The following LRCH1 variants were observed in gnomAD, a reference collection of about 807,000 sequenced individuals.
The protein encoded by LRCH1 is leucine-rich repeat and calponin homology domain-containing protein 1.
LRCH1 carries 23 observed loss-of-function variants against 94.9 expected under a neutral mutation model. The observed-to-expected ratio is 0.24, with a 90% CI of 0.17 to 0.34. The LOEUF (loss-of-function observed/expected upper bound fraction) is 0.34. LRCH1 is among the 10% of genes least tolerant of loss of function. The pLI, the probability that LRCH1 is intolerant of heterozygous loss-of-function variation, is 1.00. For missense variants in LRCH1, 790 were observed against 945.9 expected, an observed-to-expected ratio of 0.84 and a Z score of 2.16; for synonymous variants, 364 against 354.9, an observed-to-expected ratio of 1.03 and a Z score of -0.29.
intron 13 of LRCH1, among the ~76,000 whole-genome samples, chr13:46,706,696 T>G (rs1400078037): frequency 7.9e-5 from 12 of 152,042 alleles, no homozygotes; most frequent in African/African-American, 2.9e-4. Flanking sequence ...GTGCTGAGAT[T>G]ACAGGTGGCT....
intron 18 of LRCH1, among the ~76,000 whole-genome samples, chr13:46,750,295 C>A (rs1384258864): frequency 4.6e-5 from 7 of 152,158 alleles, no homozygotes; most frequent in Non-Finnish European, 1.0e-4. Flanking sequence ...TTTAGATCTG[C>A]AGACTTCATG....
intron 16 of LRCH1, chr13:46,717,657 T>C (rs1872390783): frequency 6.6e-6 from 1 of 152,260 alleles, no homozygotes; most frequent in South Asian, 2.1e-4. Context: ...AAATAACCTT[T>C]ATAAATAAAC....
At chr13:46,672,441 C>G (rs1475250229) in intron 3 of LRCH1, among the ~76,000 whole-genome samples, 1 of 152,068 alleles carries the variant, frequency 6.6e-6, no homozygotes, top group African/African-American at 2.4e-5. Flanking sequence ...TCCCATGAAC[C>G]TTGGGTGTAA....
chr13:46,667,088 C>T (rs7986467), intron 2 of LRCH1, among the ~76,000 whole-genome samples: 96,846 of 152,028 alleles, frequency 0.64, 31,325 homozygotes, highest in Middle Eastern at 0.73. Context: ...TCTCCTCCCT[C>T]CTTCTGCTGG....
At chr13:46,615,138 A>G (rs1426943415) in intron 1 of LRCH1, among the ~76,000 whole-genome samples, 1 of 152,220 alleles carries the variant, frequency 6.6e-6, no homozygotes, top group African/African-American at 2.4e-5. Context: ...GTGTTGCAAT[A>G]AAGGAATACC....
At chr13:46,741,013 T>A (rs1165979101) in intron 19 of LRCH1, among the ~76,000 whole-genome samples, 1 of 152,172 alleles carries the variant, frequency 6.6e-6, no homozygotes, top group Non-Finnish European at 1.5e-5. Flanking sequence ...CCAAGAAGCC[T>A]CCCCTAGACT....
rs1269333939 is a variant in LRCH1, at chr13:46,705,048, CT to C, written c.1401-13del. ...AAAAGTTTAATACGTTTACTAATAT[CT>C]TTTTTTCCTACTCTTTAGATTAAGC... On this transcript the variant is annotated intron_variant, in intron 11 of 19. Coordinates refer to ENST00000389797, the MANE Select transcript of LRCH1 (RefSeq NM_001164211.2). The C allele has an allele frequency of 7.5e-6, 10 of 1,331,552 alleles. No homozygotes were observed. The Admixed American group carries it at 8.3e-5, about 11-fold the overall frequency. 82.5% of individuals were successfully genotyped at this position (1,331,552 alleles called of 1,614,324 possible).
At chr13:46,618,507 A>C (rs543707062) in intron 1 of LRCH1, among the ~76,000 whole-genome samples, 2 of 152,294 alleles carry the variant, frequency 1.3e-5, no homozygotes, top group East Asian at 1.9e-4. Flanking sequence ...GCTGTCTTGC[A>C]CTGAATTTTG....
intron 18 of LRCH1, among the ~76,000 whole-genome samples, chr13:46,732,385 G>A (rs938728471): frequency 6.6e-6 from 1 of 152,230 alleles, no homozygotes; most frequent in African/African-American, 2.4e-5. Context: ...TATTGGACCA[G>A]TGGTGAGGTT....
At chr13:46,620,362 C>CA (rs1226581498) in intron 1 of LRCH1, among the ~76,000 whole-genome samples, 1,462 of 122,050 alleles carry the variant, frequency 0.012, 14 homozygotes, top group African/African-American at 0.034. Flanking sequence ...GAACCTGTCT[C>CA]AAAAAAAAAA....
Position 46,743,216 on chromosome 13 carries a change from A to G in LRCH1, c.*1368A>G, listed in dbSNP as rs1170379349. 6.1e-6 allele frequency: 6 copies of G among 985,738 alleles called. No homozygotes were observed. Among genetic ancestry groups the G allele is most frequent in the Non-Finnish European group, 7.2e-6 (6 of 829,916 alleles). 61.1% of individuals were successfully genotyped at this position (985,738 alleles called of 1,614,324 possible). On this transcript the variant is annotated 3_prime_UTR_variant, in exon 20 of 20. Coordinates refer to ENST00000389797, the MANE Select transcript of LRCH1 (RefSeq NM_001164211.2). ...CTCTCATAGATGGCTACTACGAAGA[A>G]AATCTTATTTTTCTGAACATTTTCA...
intron 1 of LRCH1, among the ~76,000 whole-genome samples, chr13:46,614,494 C>G (rs75796749): frequency 5.5e-4 from 84 of 152,190 alleles, no homozygotes; most frequent in African/African-American, 1.9e-3. Context: ...CATAAAAGAT[C>G]AAAAAACCCA....
chr13:46,693,992 A>G (rs1286259529), intron 8 of LRCH1, among the ~76,000 whole-genome samples: 1 of 152,158 alleles, frequency 6.6e-6, no homozygotes. Flanking sequence ...TAAGTTTAGC[A>G]TTTCTGTTTA....
chr13:46,747,075 G>A (rs1873939700), downstream of LRCH1, among the ~76,000 whole-genome samples: 1 of 152,162 alleles, frequency 6.6e-6, no homozygotes, highest in African/African-American at 2.4e-5. Context: ...GCACCTCTGG[G>A]CTTCCTCAGG....
At chr13:46,565,265 A>G (rs2050169590) in intron 1 of LRCH1, among the ~76,000 whole-genome samples, 1 of 152,192 alleles carries the variant, frequency 6.6e-6, no homozygotes, top group African/African-American at 2.4e-5. Flanking sequence ...ATAAAATAAC[A>G]TCAGTATCCA....
In LRCH1 at chr13:46,694,918, G is replaced by A. The variant is rs149572783; in HGVS notation, c.1146G>A (p.Pro382=). Reference sequence around the variant, plus strand: ...GGGAATTTCATCAGGAATTTCAACCGGAGCCTTCCCTTTTGGGTGACAGCA... The same window carrying A: ...GGGAATTTCATCAGGAATTTCAACCAGAGCCTTCCCTTTTGGGTGACAGCA... ...VKGEFHQEFQ[P]EPSLLGDSTN... Residue 382 remains proline, a synonymous_variant, in exon 9 of 20, where the codon CCG becomes CCA. Transcript: ENST00000389797. 148 of 1,614,022 alleles carry A rather than the reference G, an allele frequency of 9.2e-5. 1 individual carries two copies. The highest frequency in any genetic ancestry group is 6.6e-4 in the Middle Eastern group (4 of 6,060).
At position 46,744,560 on chromosome 13, in the gene LRCH1, T is replaced by C; in HGVS notation, c.*2712T>C. On this transcript the variant is annotated 3_prime_UTR_variant, in exon 20 of 20. Transcript: ENST00000389797. ...GGCCCCGCAGAACTACAATGTATGA[T>C]AATCGAGTATAAATTTCATCAATGA... is the stretch of plus-strand genomic sequence containing the variant. 1 of 985,442 alleles carries C rather than the reference T, an allele frequency of 1.0e-6. No homozygotes were observed. The allele number at this position is 985,442 out of a possible 1,614,324, so 61.0% of individuals were successfully genotyped here.
At chr13:46,611,631 T>C (rs957769931) in intron 1 of LRCH1, among the ~76,000 whole-genome samples, 3 of 152,214 alleles carry the variant, frequency 2.0e-5, no homozygotes, top group African/African-American at 7.2e-5. Flanking sequence ...AAAAATTTAA[T>C]GTCCAAGTTG....
At chr13:46,556,678 A>G (rs1171094900) in intron 1 of LRCH1, among the ~76,000 whole-genome samples, 2 of 152,126 alleles carry the variant, frequency 1.3e-5, no homozygotes, top group Non-Finnish European at 2.9e-5. Context: ...TATGCTGAAG[A>G]TTATACCTCT....
Sources: gnomAD v4.1 joint callset for allele counts (sites outside exome capture counted in the v4.1 genomes callset) on GRCh38, gnomAD v4.1.1 for gene constraint, MANE v1.5 for transcripts, NCBI Gene and HGNC (gene_info 2026-07-23, HGNC 2026-07-21) for gene names.